Variants in TSPAN13 observed in about 807,000 individuals in gnomAD.
The protein encoded by TSPAN13 is tetraspanin 13.
Under a neutral mutation model 26.9 loss-of-function variants are expected in TSPAN13, and 18 were observed. The ratio of observed to expected loss-of-function variants is 0.67; its 90% CI spans 0.46 to 0.99. The LOEUF (loss-of-function observed/expected upper bound fraction) is 0.99, where lower values mean the gene tolerates loss of function less well. Among genes scored for constraint, TSPAN13 ranks in the 50% least tolerant of loss-of-function variants. TSPAN13 has a pLI of 0.00. For synonymous variants in TSPAN13, 116 were observed against 98.4 expected (o/e 1.18, Z -1.06); for missense variants, 201 against 249.6 (o/e 0.81, Z 1.31).
rs1463014792 is a variant in TSPAN13 at position 16,754,010 on chromosome 7, G to A, written c.43G>A (p.Ala15Thr). 1.9e-6 allele frequency: 3 copies of A among 1,613,632 alleles called. No individual in the cohort carries two copies. Among genetic ancestry groups the A allele is most frequent in the Non-Finnish European group, 8.5e-7 (1 of 1,179,816 alleles). The change falls in exon 1 of 6, where the codon GCC (alanine) becomes ACC (threonine). Residue 15 changes from alanine (A) to threonine (T), a missense_variant. Coordinates refer to ENST00000262067, the MANE Select transcript of TSPAN13 (RefSeq NM_014399.4). ...CGCGTGTTCCAAGAACTGCCTGTGC[G>A]CCCTCAACCTGCTTTACACCGTGAG... is the stretch of plus-strand genomic sequence containing the variant. ...GFACSKNCLC[A>T]LNLLYTLVSL...
chr7:16,774,779 T>A (rs1237207655), intron 1 of TSPAN13, among the ~76,000 whole-genome samples: 1 of 152,246 alleles, frequency 6.6e-6, no homozygotes, highest in Non-Finnish European at 1.5e-5. Context: ...CAAGTTCATA[T>A]AACTCTCTAA....
chr7:16,753,799 C>A lies in TSPAN13; in HGVS notation c.-169C>A, dbSNP rs1439384746. ...CGCAGGTTCCAAAGCGGGTCCGAGC[C>A]GCCGCCGCGCGCGCGCCGCGCACTG... On this transcript the variant is annotated 5_prime_UTR_variant, in exon 1 of 6. Coordinates refer to ENST00000262067, the MANE Select transcript of TSPAN13 (RefSeq NM_014399.4). The A allele has an allele frequency of 3.9e-5, 9 of 227,920 alleles. No individual in the cohort carries two copies. Among genetic ancestry groups the A allele is most frequent in the Non-Finnish European group, 7.2e-5 (9 of 125,164 alleles). 14.1% of individuals were successfully genotyped at this position (227,920 alleles called of 1,614,324 possible).
chr7:16,754,914 T>A (rs536347189), intron 1 of TSPAN13, among the ~76,000 whole-genome samples: 7 of 152,338 alleles, frequency 4.6e-5, no homozygotes, highest in African/African-American at 1.4e-4. Context: ...GACAACCTTC[T>A]GAGGGAATGG....
intron 1 of TSPAN13, among the ~76,000 whole-genome samples, chr7:16,758,254 A>C (rs776124463): frequency 2.0e-5 from 3 of 152,232 alleles, no homozygotes; most frequent in Non-Finnish European, 4.4e-5. Flanking sequence ...TGTTAGATAA[A>C]AAACATATGT....
chr7:16,761,334 G>A (rs77671226), intron 1 of TSPAN13, among the ~76,000 whole-genome samples: 2 of 152,204 alleles, frequency 1.3e-5, no homozygotes, highest in African/African-American at 4.8e-5. Flanking sequence ...TTAGCAAAAT[G>A]TAGATTATTT....
intron 1 of TSPAN13, among the ~76,000 whole-genome samples, chr7:16,769,967 G>T (rs192817867): frequency 5.3e-5 from 8 of 152,060 alleles, no homozygotes; most frequent in Non-Finnish European, 1.0e-4. Flanking sequence ...AAATTTGGAA[G>T]GATTTATTAT....
At chr7:16,768,155 C>T (rs1487025012) in intron 1 of TSPAN13, among the ~76,000 whole-genome samples, 1 of 152,198 alleles carries the variant, frequency 6.6e-6, no homozygotes, top group Non-Finnish European at 1.5e-5. Flanking sequence ...CTAAGGTGAT[C>T]CGCCTGCCTT....
At chr7:16,762,250 T>C (rs1784549988) in intron 1 of TSPAN13, among the ~76,000 whole-genome samples, 1 of 152,208 alleles carries the variant, frequency 6.6e-6, no homozygotes. Flanking sequence ...AGCGTTTCCT[T>C]GTCCTGAAAG....
chr7:16,756,086 A>C (rs904390643), intron 1 of TSPAN13, among the ~76,000 whole-genome samples: 3 of 152,200 alleles, frequency 2.0e-5, no homozygotes, highest in African/African-American at 7.2e-5. Context: ...AAATAACTGC[A>C]GCAGTTTAAA....
intron 1 of TSPAN13, among the ~76,000 whole-genome samples, chr7:16,760,441 G>T (rs1472405925): frequency 6.6e-6 from 1 of 152,152 alleles, no homozygotes; most frequent in African/African-American, 2.4e-5. Flanking sequence ...GAATTGGCAG[G>T]ATAGATTTGC....
At chr7:16,781,878 C>T (rs775508207) in intron 5 of TSPAN13, among the ~76,000 whole-genome samples, 6 of 152,036 alleles carry the variant, frequency 3.9e-5, no homozygotes, top group East Asian at 1.9e-4. Context: ...TAAGTATTTC[C>T]GTGTTGTAAC....
chr7:16,777,166 A>G (rs1285733916), intron 3 of TSPAN13, 44 bp downstream of exon 3: 6 of 1,373,184 alleles, frequency 4.4e-6, no homozygotes, highest in Admixed American at 3.5e-5. Flanking sequence ...ACCACATAGC[A>G]TGAGTATGAA....
At chr7:16,778,841 G>A (rs1317827022) in intron 4 of TSPAN13, among the ~76,000 whole-genome samples, 162 bp from the exon 5 acceptor site, 3 of 152,158 alleles carry the variant, frequency 2.0e-5, no homozygotes, top group Admixed American at 6.5e-5. Flanking sequence ...GAGAGGGGAG[G>A]GTGGGAGTCT....
intron 1 of TSPAN13, among the ~76,000 whole-genome samples, chr7:16,764,426 C>G (rs762023680): frequency 4.6e-5 from 7 of 152,110 alleles, no homozygotes; most frequent in African/African-American, 9.7e-5. Flanking sequence ...AGAGTGATCT[C>G]AAATATATTA....
Position 16,772,871 on chromosome 7 carries a change from C to T in TSPAN13, c.64-3340C>T, listed in dbSNP as rs143486904. 2.2e-3 allele frequency among the ~76,000 whole-genome samples: 342 copies of T among 152,164 alleles called. 1 individual carries two copies. The highest frequency in any genetic ancestry group is 7.9e-3 in the African/African-American group (327 of 41,518). On this transcript the variant is annotated intron_variant, in intron 1 of 5. Transcript: ENST00000262067. The stretch of plus-strand genomic sequence containing the variant: ...ATTAGCTGGACGTGGTGGCATATGC[C>T]TGTAATCCCAGCTACTGGGAAGGCT...
At chr7:16,763,432 A>G (rs1286178620) in intron 1 of TSPAN13, among the ~76,000 whole-genome samples, 4 of 152,210 alleles carry the variant, frequency 2.6e-5, no homozygotes, top group Non-Finnish European at 5.9e-5. Context: ...TAAGTGGGAC[A>G]TCCAGTAGTT....
At chr7:16,756,490 C>G (rs955109548) in intron 1 of TSPAN13, among the ~76,000 whole-genome samples, 1 of 152,148 alleles carries the variant, frequency 6.6e-6, no homozygotes. Context: ...CTGAACTGTC[C>G]ACATGCTCTG....
chr7:16,772,907 A>G (rs1369598277), intron 1 of TSPAN13, among the ~76,000 whole-genome samples: 2 of 152,146 alleles, frequency 1.3e-5, no homozygotes, highest in Admixed American at 6.5e-5. Context: ...GAGGTGGGAG[A>G]ATCACTTGAA....
intron 1 of TSPAN13, among the ~76,000 whole-genome samples, chr7:16,755,057 G>T (rs1015033191): frequency 4.6e-5 from 7 of 151,966 alleles, no homozygotes; most frequent in Admixed American, 2.6e-4. Flanking sequence ...TGTCTCTACC[G>T]GGCGGAAGAA....
Sources: gnomAD v4.1 joint callset for allele counts (sites outside exome capture counted in the v4.1 genomes callset) on GRCh38, gnomAD v4.1.1 for gene constraint, MANE v1.5 for transcripts, NCBI Gene and HGNC (gene_info 2026-07-23, HGNC 2026-07-21) for gene names.